Variants in MAPK6 observed in about 807,000 individuals in gnomAD.
The protein encoded by MAPK6 is ERK-3.
A neutral mutation model predicts 59.3 loss-of-function variants in MAPK6; 19 were observed. That is an observed-to-expected ratio of 0.32 (90% CI 0.22 to 0.47). The LOEUF (loss-of-function observed/expected upper bound fraction) is 0.47. Among genes scored for constraint, MAPK6 ranks in the 20% least tolerant of loss-of-function variants. MAPK6 has a pLI of 1.00. For synonymous variants in MAPK6, 316 were observed against 290.3 expected (o/e 1.09, Z -0.90); for missense variants, 724 against 847.9 (o/e 0.85, Z 1.81).
rs2057233221 is a variant in MAPK6, at chr15:51,998,687, A to ATTTTTTTTTTGTTTTTTTTT, written c.-769-5568_-769-5567insGTTTTTTTTTTTTTTTTTTT. Among the ~76,000 whole-genome samples, 2 of 38,472 alleles carry ATTTTTTTTTTGTTTTTTTTT rather than the reference A, an allele frequency of 5.2e-5. 1 individual carries two copies. The highest frequency in any genetic ancestry group is 9.3e-5 in the Non-Finnish European group (2 of 21,536). 25.2% of individuals were successfully genotyped at this position (38,472 alleles called of 152,430 possible). A position where few individuals can be genotyped will look rare whatever the true frequency, so the allele number is the denominator to read the frequency against. On this transcript the variant is annotated intron_variant, in intron 2 of 7. Transcript: ENST00000691380. ...AGGCGTGCGCCACCATGCCTGGTTA[A>ATTTTTTTTTTGTTTTTTTTT]TTTTTTTTTTTTTTTTTTTTTGAGA...
At chr15:52,059,521 A>G (rs897195446) in intron 4 of MAPK6, among the ~76,000 whole-genome samples, 2 of 152,138 alleles carry the variant, frequency 1.3e-5, no homozygotes, top group Admixed American at 1.3e-4. Flanking sequence ...CTAAGGTGTG[A>G]CTCTGCTCAG....
chr15:52,053,115 C>T (rs542643909), intron 3 of MAPK6, among the ~76,000 whole-genome samples: 2 of 146,780 alleles, frequency 1.4e-5, no homozygotes, highest in Non-Finnish European at 3.0e-5. Context: ...CTTTGTCATC[C>T]AGGCTGGAAT....
chr15:52,057,571 AT>A (rs1400671012), intron 3 of MAPK6, among the ~76,000 whole-genome samples: 6 of 142,084 alleles, frequency 4.2e-5, no homozygotes, highest in Non-Finnish European at 7.7e-5. Context: ...AAAAAAAAAA[AT>A]GTCTTATTGT....
At chr15:52,020,914 A>AG (rs1437047694) in intron 1 of MAPK6, among the ~76,000 whole-genome samples, 1 of 152,234 alleles carries the variant, frequency 6.6e-6, no homozygotes, top group African/African-American at 2.4e-5. Flanking sequence ...CAGTTAATCT[A>AG]GAAAATATGC....
intron 4 of MAPK6, among the ~76,000 whole-genome samples, chr15:52,060,823 A>G (rs1170952315): frequency 6.6e-6 from 1 of 152,218 alleles, no homozygotes; most frequent in Non-Finnish European, 1.5e-5. Flanking sequence ...AAGGATGGGA[A>G]AGGGCTTTTA....
At chr15:52,029,442 A>G (rs1484587819) in intron 1 of MAPK6, among the ~76,000 whole-genome samples, 1 of 151,622 alleles carries the variant, frequency 6.6e-6, no homozygotes, top group Non-Finnish European at 1.5e-5. Context: ...AGATGGTCTC[A>G]TTCAACTCAT....
rs1187981510 is a variant in MAPK6 at position 52,029,282 on chromosome 15, A to G, written c.-632+9906A>G. On this transcript the variant is annotated intron_variant, in intron 1 of 5. Transcript: ENST00000261845. ...CGGAACTCCTGACCTCAGCCTCCTTATTACAGGCATAAGCCACTGCACCTA... is the reference window on the plus strand; with the variant it reads ...CGGAACTCCTGACCTCAGCCTCCTTGTTACAGGCATAAGCCACTGCACCTA... Among the ~76,000 whole-genome samples the G allele has an allele frequency of 6.6e-5, 10 of 151,964 alleles. No individual in the cohort carries two copies. The East Asian group carries it at 1.7e-3, about 26-fold the overall frequency.
At chr15:52,032,186 A>ATTTTTTT (rs566086048) in intron 1 of MAPK6, among the ~76,000 whole-genome samples, 19 of 92,464 alleles carry the variant, frequency 2.1e-4, no homozygotes, top group Non-Finnish European at 2.6e-4. Flanking sequence ...ACAATTTTTA[A>ATTTTTTT]TTTTTTTTTT....
chr15:51,982,929 G>C (rs2057178983), intron 1 of MAPK6, among the ~76,000 whole-genome samples: 1 of 152,104 alleles, frequency 6.6e-6, no homozygotes, highest in Admixed American at 6.6e-5. Flanking sequence ...ATGACAGGCA[G>C]GATTAATTCC....
intron 2 of MAPK6, among the ~76,000 whole-genome samples, chr15:51,996,849 C>A (rs1272698180): frequency 6.6e-6 from 1 of 151,952 alleles, no homozygotes; most frequent in Non-Finnish European, 1.5e-5. Context: ...TGTGCCACTG[C>A]ACCCAACTAA....
chr15:52,054,914 A>G (rs533749676), intron 3 of MAPK6, among the ~76,000 whole-genome samples: 3 of 152,244 alleles, frequency 2.0e-5, no homozygotes, highest in South Asian at 4.2e-4. Context: ...CAGCCTCTCA[A>G]GTAGCTGGGA....
At chr15:52,016,062 GCGCGCGC>G (rs2030242074), upstream of MAPK6, among the ~76,000 whole-genome samples, 1 of 59,100 alleles carries the variant, frequency 1.7e-5, no homozygotes, top group Non-Finnish European at 3.4e-5. Flanking sequence ...TCGCGCGCGC[GCGCGCGC>G]GCACACACAC....
chr15:52,002,843 G>A (rs1465408264), intron 2 of MAPK6, among the ~76,000 whole-genome samples: 8 of 151,236 alleles, frequency 5.3e-5, no homozygotes, highest in Non-Finnish European at 8.8e-5. Flanking sequence ...GTGGCAGCAG[G>A]TGAGACAGAG....
Position 52,066,792 on chromosome 15 carries a change from GTATA to G in MAPK6, c.*1798_*1801del, listed in dbSNP as rs904453348. 6 of 144,058 alleles carry G rather than the reference GTATA, an allele frequency of 4.2e-5. No homozygotes were observed. Among genetic ancestry groups the G allele is most frequent in the African/African-American group, 1.6e-4 (6 of 38,568 alleles). 8.9% of individuals were successfully genotyped at this position (144,058 alleles called of 1,614,324 possible). A position where few individuals can be genotyped will look rare whatever the true frequency, so the allele number is the denominator to read the frequency against. The stretch of plus-strand genomic sequence containing the variant: ...TGTGTGTGTGTGTGTGTGTGTGTGT[GTATA>G]TATATTCATTTATTTATTTTCTGGT... On this transcript the variant is annotated 3_prime_UTR_variant, in exon 6 of 6. Coordinates refer to ENST00000261845, the MANE Select transcript of MAPK6 (RefSeq NM_002748.4).
chr15:51,989,612 T>G (rs551818649), intron 2 of MAPK6, among the ~76,000 whole-genome samples: 1 of 152,244 alleles, frequency 6.6e-6, no homozygotes, highest in South Asian at 2.1e-4. Context: ...ATTTTTTATT[T>G]TTTTAGAGAC....
At chr15:52,063,522 C>G (rs1048618648) in intron 5 of MAPK6, among the ~76,000 whole-genome samples, 16 of 6,800 alleles carry the variant, frequency 2.4e-3, no homozygotes, top group African/African-American at 5.2e-3. Context: ...TCCTCCTCTT[C>G]TAGTTGCCCT....
In MAPK6 at chr15:52,056,907, C is replaced by T. The variant is rs527921387; in HGVS notation, c.701-1726C>T. On this transcript the variant is annotated intron_variant, in intron 3 of 5. Transcript: ENST00000261845. ...TGACCTCTCGTCTGAATTCCAGGTT[C>T]CTTAACTCAATATCTCCACTCAGAT... 8.5e-5 allele frequency: 13 copies of T among 152,330 alleles called. No individual in the cohort carries two copies. The East Asian group carries it at 2.5e-3, about 29-fold the overall frequency. 9.4% of individuals were successfully genotyped at this position (152,330 alleles called of 1,614,324 possible). A position where few individuals can be genotyped will look rare whatever the true frequency, so the allele number is the denominator to read the frequency against.
chr15:52,013,001 AAAAAAAAAAAAAAAAAAAAAT>A (rs1275665459), intron 3 of MAPK6, among the ~76,000 whole-genome samples: 67 of 27,014 alleles, frequency 2.5e-3, no homozygotes, highest in Non-Finnish European at 3.6e-3. Context: ...AAAAAAAAAA[AAAAAAAAAAAAAAAAAAAAAT>A]ATATATATAT....
rs758693564 is a variant in MAPK6, at chr15:52,046,774, A to T, written c.314A>T (p.Tyr105Phe). 9.3e-6 allele frequency: 15 copies of T among 1,614,024 alleles called. No homozygotes were observed. The South Asian group carries it at 1.6e-4, about 18-fold the overall frequency. Residue 105 changes from tyrosine to phenylalanine, a missense_variant, in exon 2 of 6, where the codon TAC becomes TTC. Tyr to Phe is a conservative substitution (Grantham distance 22, BLOSUM62 3). Coordinates refer to ENST00000261845, the MANE Select transcript of MAPK6 (RefSeq NM_002748.4). ...TCTCTTACGGAACTGAACAGTGTTT[A>T]CATTGTTCAGGAGTACATGGAGACA... is the stretch of plus-strand genomic sequence containing the variant. ...VGSLTELNSV[Y>F]IVQEYMETDL... is the part of the protein sequence containing the mutation.
Sources: allele counts gnomAD v4.1 joint callset (sites outside exome capture counted in the v4.1 genomes callset), GRCh38; gene constraint gnomAD v4.1.1; transcripts MANE v1.5; gene names NCBI Gene and HGNC (gene_info 2026-07-23, HGNC 2026-07-21).